Variants in ADCY5 observed in about 807,000 individuals in gnomAD.
ADCY5 encodes adenylate cyclase 5, also known as adenylate cyclase type 5.
Under a neutral mutation model 119.7 loss-of-function variants are expected in ADCY5, and 30 were observed. The observed-to-expected ratio is 0.25, with a 90% CI of 0.19 to 0.34. ADCY5 has a LOEUF of 0.34. Ranked by LOEUF, ADCY5 falls within the 10% of genes least tolerant of loss-of-function variation. The probability of loss-of-function intolerance (pLI) is 1.00; values close to 1 mark genes in which losing one functional copy is unlikely to be tolerated. For synonymous variants in ADCY5, 753 were observed against 762.2 expected, an observed-to-expected ratio of 0.99 and a Z score of 0.20; for missense variants, 1,324 against 1,775.2, an observed-to-expected ratio of 0.75 and a Z score of 4.57.
intron 1 of ADCY5, among the ~76,000 whole-genome samples, chr3:123,378,855 C>G (rs1559848472): frequency 6.6e-6 from 1 of 152,194 alleles, no homozygotes. Context: ...CCAACATTCC[C>G]CCTTGCCAGG....
Position 123,352,319 on chromosome 3 carries a change from G to A in ADCY5, c.1284+113C>T. Reference sequence around the variant, plus strand: ...CCCCATGGGTTGGTCCCCTCCCGGGGAGTGGGGCTGGCAGCCGTAATAAGC... The same window carrying A: ...CCCCATGGGTTGGTCCCCTCCCGGGAAGTGGGGCTGGCAGCCGTAATAAGC... On this transcript the variant is annotated intron_variant, in intron 2 of 20. Coordinates refer to ENST00000462833, the MANE Select transcript of ADCY5 (RefSeq NM_183357.3). This position sits in a 1 kb window ranked among gnomAD's most constrained non-coding sequence, Gnocchi z 4.8. 7.4e-7 allele frequency: 1 copy of A among 1,345,528 alleles called. No homozygotes were observed. The highest frequency in any genetic ancestry group is 9.9e-7 in the Non-Finnish European group (1 of 1,010,090). The allele number at this position is 1,345,528 out of a possible 1,614,324, so 83.3% of individuals were successfully genotyped here.
intron 18 of ADCY5, among the ~76,000 whole-genome samples, chr3:123,290,478 G>A (rs562446791): frequency 7.2e-5 from 11 of 152,276 alleles, no homozygotes; most frequent in Admixed American, 5.2e-4. Flanking sequence ...CGGCGTGCCC[G>A]CTGGGGTGGC....
At position 123,325,829 on chromosome 3, in the gene ADCY5, G is replaced by C. The variant is rs74804803; in HGVS notation, c.1948-367C>G. On this transcript the variant is annotated intron_variant, in intron 7 of 20. Coordinates refer to ENST00000462833, the MANE Select transcript of ADCY5 (RefSeq NM_183357.3). ...CTCTCCTCTGGATGGCCTAGGCTCC[G>C]AAAGGCCTGAGCTGACGCACCCAGC... Among the ~76,000 whole-genome samples, 184 of 152,352 alleles carry C rather than the reference G, an allele frequency of 1.2e-3. 1 individual carries two copies. The highest frequency in any genetic ancestry group is 4.2e-3 in the African/African-American group (174 of 41,580).
intron 1 of ADCY5, among the ~76,000 whole-genome samples, chr3:123,417,168 A>G (rs1032523640): frequency 6.6e-6 from 1 of 151,538 alleles, no homozygotes; most frequent in African/African-American, 2.4e-5. Context: ...CTGTCCCCAC[A>G]GCAGATCTGT....
At position 123,303,109 on chromosome 3, in the gene ADCY5, C is replaced by A; in HGVS notation, c.2670G>T (p.Leu890=). Residue 890 remains leucine, a synonymous_variant, in exon 14 of 21, where the codon CTG becomes CTT. Coordinates refer to ENST00000462833, the MANE Select transcript of ADCY5 (RefSeq NM_183357.3). ...TGCCACAGAAGCCCTGCTCATCGCC[C>A]AGGCTGTAGTTGACGGCCGACTCCG... The part of the protein sequence containing the change: ...HVAESAVNYS[L]GDEQGFCGSP... The A allele has an allele frequency of 6.2e-7, 1 of 1,613,892 alleles. No homozygotes were observed. The highest frequency in any genetic ancestry group is 8.5e-7 in the Non-Finnish European group (1 of 1,180,030).
At chr3:123,328,619 C>G in intron 6 of ADCY5, 25 bp downstream of exon 6, 3 of 1,611,658 alleles carry the variant, frequency 1.9e-6, no homozygotes, top group Non-Finnish European at 2.5e-6. Flanking sequence ...GTCGGGGCCC[C>G]AAGCCACCCA....
chr3:123,396,779 A>AGGCAGGC (rs1944594566), intron 1 of ADCY5, among the ~76,000 whole-genome samples: 2 of 69,904 alleles, frequency 2.9e-5, no homozygotes, highest in Non-Finnish European at 5.6e-5. Context: ...GGAAGGAAGG[A>AGGCAGGC]AGGCAGGCAG....
At chr3:123,331,098 ACCCCGTG>A in intron 4 of ADCY5, 82 bp from the exon 5 acceptor site, 2 of 1,457,612 alleles carry the variant, frequency 1.4e-6, no homozygotes, top group Non-Finnish European at 1.9e-6. Flanking sequence ...AAAAAGATTC[ACCCCGTG>A]CCTGGAATAA....
At chr3:123,357,122 T>C (rs762974795) in intron 1 of ADCY5, among the ~76,000 whole-genome samples, 23 of 151,946 alleles carry the variant, frequency 1.5e-4, no homozygotes, top group Non-Finnish European at 3.1e-4. Flanking sequence ...CCTTTTGGGG[T>C]GATGGGACTG....
chr3:123,421,773 C>T (rs143800558), intron 1 of ADCY5, among the ~76,000 whole-genome samples: 1 of 152,274 alleles, frequency 6.6e-6, no homozygotes, highest in African/African-American at 2.4e-5. Flanking sequence ...CACTGCTATG[C>T]TATAGTGGAA....
At chr3:123,361,685 C>T (rs961827072) in intron 1 of ADCY5, among the ~76,000 whole-genome samples, 45 of 152,152 alleles carry the variant, frequency 3.0e-4, no homozygotes, top group African/African-American at 1.1e-3. Flanking sequence ...TGCTAGGGAC[C>T]AGAAGTGTTT....
intron 3 of ADCY5, among the ~76,000 whole-genome samples, chr3:123,347,323 T>C (rs1942608207): frequency 6.6e-6 from 1 of 152,158 alleles, no homozygotes; most frequent in Non-Finnish European, 1.5e-5. Flanking sequence ...TGGCTTGCAG[T>C]GCTGTCAGGA....
chr3:123,312,581 T>G (rs1247431978), intron 12 of ADCY5, among the ~76,000 whole-genome samples: 1 of 152,234 alleles, frequency 6.6e-6, no homozygotes, highest in Non-Finnish European at 1.5e-5. Flanking sequence ...ACTGGGAATC[T>G]CTGGTCTGCT....
intron 1 of ADCY5, among the ~76,000 whole-genome samples, chr3:123,383,378 C>T (rs776432805): frequency 2.6e-5 from 4 of 152,208 alleles, no homozygotes; most frequent in Non-Finnish European, 4.4e-5. Context: ...TCCCTGTGGC[C>T]GTGCACTTGA....
chr3:123,396,965 T>C (rs1333082313), intron 1 of ADCY5, among the ~76,000 whole-genome samples: 4 of 152,066 alleles, frequency 2.6e-5, no homozygotes, highest in African/African-American at 9.7e-5. Flanking sequence ...TTGGGGAAAC[T>C]TCTGTACAAT....
intron 1 of ADCY5, among the ~76,000 whole-genome samples, chr3:123,391,627 G>C (rs1944403810): frequency 6.6e-6 from 1 of 152,128 alleles, no homozygotes; most frequent in Admixed American, 6.5e-5. Context: ...CCACAGTACA[G>C]AAATATTACC....
At position 123,335,660 on chromosome 3, in the gene ADCY5, A is replaced by AC. The variant is rs767781329; in HGVS notation, c.1407-2986dup. On this transcript the variant is annotated intron_variant, in intron 3 of 20. Transcript: ENST00000462833. ...TGCTGTGGTACCGGACAGGTACAGGACCCCCCTGAGAGGGGTCACTCTCAG... is the reference window on the plus strand; with the variant it reads ...TGCTGTGGTACCGGACAGGTACAGGACCCCCCCTGAGAGGGGTCACTCTCAG... Among the ~76,000 whole-genome samples the AC allele has an allele frequency of 9.2e-5, 14 of 151,772 alleles. No homozygotes were observed. The East Asian group carries it at 2.7e-3, about 29-fold the overall frequency.
chr3:123,428,753 G>GT (rs1945462057), intron 1 of ADCY5, among the ~76,000 whole-genome samples: 1 of 149,216 alleles, frequency 6.7e-6, no homozygotes, highest in African/African-American at 2.6e-5. Flanking sequence ...TCTAATTTGC[G>GT]GGGGGTGCCT....
At chr3:123,311,503 G>A (rs978581256) in intron 12 of ADCY5, among the ~76,000 whole-genome samples, 1 of 152,156 alleles carries the variant, frequency 6.6e-6, no homozygotes, top group Non-Finnish European at 1.5e-5. Context: ...CAACATAAAA[G>A]AGGGAAGAAG....
Sources: allele counts gnomAD v4.1 joint callset (sites outside exome capture counted in the v4.1 genomes callset), GRCh38; gene constraint gnomAD v4.1.1; non-coding constraint Gnocchi (gnomAD v3.1); transcripts MANE v1.5; gene names NCBI Gene and HGNC (gene_info 2026-07-23, HGNC 2026-07-21).